Variants in TCF20 observed in about 807,000 individuals in gnomAD.
The protein encoded by TCF20 is SPRE-binding protein.
In TCF20, 3 loss-of-function variants were observed where a neutral mutation model predicts 148.6. The observed-to-expected ratio is 0.02, with a 90% CI of 0.01 to 0.05. TCF20 has a LOEUF of 0.05. TCF20 is among the 10% of genes least tolerant of loss of function. The probability of loss-of-function intolerance (pLI) is 1.00; values close to 1 mark genes in which losing one functional copy is unlikely to be tolerated. For synonymous variants in TCF20, 1,049 were observed against 909.5 expected, an observed-to-expected ratio of 1.15 and a Z score of -2.76; for missense variants, 2,350 against 2,429.3, an observed-to-expected ratio of 0.97 and a Z score of 0.69.
chr22:42,216,738 CA>C (rs1921847692), intron 1 of TCF20, among the ~76,000 whole-genome samples: 2 of 152,168 alleles, frequency 1.3e-5, no homozygotes, highest in South Asian at 4.1e-4. Context: ...CAGCAAAAAA[CA>C]GAGAGGAAAA....
At chr22:42,339,186 G>C (rs575965721) in intron 1 of TCF20, among the ~76,000 whole-genome samples, 4 of 152,270 alleles carry the variant, frequency 2.6e-5, no homozygotes, top group Non-Finnish European at 5.9e-5. Context: ...CTGGCCTAGC[G>C]CTCGTCCTCA....
Position 42,210,791 on chromosome 22 carries a change from A to G in TCF20, c.4515T>C (p.Pro1505=). 1 of 1,614,200 alleles carries G rather than the reference A, an allele frequency of 6.2e-7. No individual in the cohort carries two copies. Among genetic ancestry groups the G allele is most frequent in the South Asian group, 1.1e-5 (1 of 91,082 alleles). Residue 1505 remains proline (P), a synonymous_variant, in exon 2 of 6, where the codon CCT becomes CCC. Coordinates refer to ENST00000677622, the MANE Select transcript of TCF20 (RefSeq NM_001378418.1). The surrounding 1 kb of genome is among the most constrained non-coding windows in gnomAD (Gnocchi z 4.7). ...TCTCTTCAGCCTTGGGGTTTGCCTC[A>G]GGGGCCAATATGCCCACTGGAGGTA... The part of the protein sequence containing the change: ...KNVPPVGILA[P]EANPKAEEKE...
intron 1 of TCF20, among the ~76,000 whole-genome samples, chr22:42,277,885 G>T (rs1222336040): frequency 3.9e-5 from 6 of 152,212 alleles, no homozygotes; most frequent in Non-Finnish European, 7.3e-5. Context: ...TCAAAGGCAA[G>T]GCTGACCTCT....
In TCF20 at chr22:42,168,731, G is replaced by C. The variant is rs1218196275; in HGVS notation, c.5805C>G (p.Pro1935=). Residue 1935 remains proline, a synonymous_variant, in exon 5 of 6, where the codon CCC becomes CCG. Coordinates refer to ENST00000677622, the MANE Select transcript of TCF20 (RefSeq NM_001378418.1). ...GCAAGGGGGGGAGAGGGCACGGAAG[G>C]GGAGGCTGACACGGGCAAAACCAAG... ...FSVRCPKHKP[P]LPCPLPPLQN... is the part of the protein sequence containing the mutation. The C allele has an allele frequency of 5.0e-6, 8 of 1,609,198 alleles. No homozygotes were observed.
intron 1 of TCF20, among the ~76,000 whole-genome samples, chr22:42,255,554 T>G (rs1184222238): frequency 6.6e-6 from 1 of 152,162 alleles, no homozygotes; most frequent in Non-Finnish European, 1.5e-5. Flanking sequence ...TTGTTATAAA[T>G]GTTTGGGTAA....
At chr22:42,277,193 T>C (rs1030833923) in intron 1 of TCF20, 2 of 152,240 alleles carry the variant, frequency 1.3e-5, no homozygotes, top group Admixed American at 6.5e-5. Flanking sequence ...TGAAATTATA[T>C]CCTCTTTCAA....
chr22:42,327,208 C>T (rs1569210564), intron 1 of TCF20, among the ~76,000 whole-genome samples: 1 of 152,180 alleles, frequency 6.6e-6, no homozygotes, highest in Non-Finnish European at 1.5e-5. Flanking sequence ...TATAGAGGGG[C>T]CACGGCAATG....
intron 1 of TCF20, among the ~76,000 whole-genome samples, chr22:42,324,437 T>C (rs1927832407): frequency 6.6e-6 from 1 of 151,786 alleles, no homozygotes; most frequent in South Asian, 2.1e-4. Flanking sequence ...GAAAATAATC[T>C]CCACCATCTG....
chr22:42,162,320 C>T (rs1046545168), intron 5 of TCF20, among the ~76,000 whole-genome samples: 17 of 152,034 alleles, frequency 1.1e-4, no homozygotes, highest in African/African-American at 2.9e-4. Flanking sequence ...CTTCCCATGG[C>T]CTCTAACAGG....
chr22:42,194,969 A>T (rs1937518289), intron 2 of TCF20, among the ~76,000 whole-genome samples: 1 of 151,538 alleles, frequency 6.6e-6, no homozygotes, highest in African/African-American at 2.4e-5. Flanking sequence ...CACTGAACAT[A>T]AGGTGGGGCT....
At chr22:42,318,157 G>A (rs564652715) in intron 1 of TCF20, among the ~76,000 whole-genome samples, 28 of 152,248 alleles carry the variant, frequency 1.8e-4, no homozygotes, top group South Asian at 8.3e-4. Flanking sequence ...CTAATTAGCC[G>A]CACATCTCTT....
chr22:42,173,258 A>C (rs1046157647), intron 3 of TCF20, among the ~76,000 whole-genome samples: 1 of 151,682 alleles, frequency 6.6e-6, no homozygotes, highest in Non-Finnish European at 1.5e-5. Context: ...AAAAAAAAAA[A>C]CAGAGCTCAT....
intron 1 of TCF20, among the ~76,000 whole-genome samples, chr22:42,303,526 A>G (rs922189482): frequency 1.3e-5 from 2 of 152,270 alleles, no homozygotes; most frequent in African/African-American, 4.8e-5. Flanking sequence ...AGCCGAGGGC[A>G]TGAGTATGCA....
chr22:42,295,069 G>A (rs1927206317), intron 1 of TCF20, among the ~76,000 whole-genome samples: 1 of 152,200 alleles, frequency 6.6e-6, no homozygotes, highest in South Asian at 2.1e-4. Context: ...AAGACCCAGT[G>A]ATGAACCCCC....
chr22:42,202,515 C>CA (rs1262503039), intron 2 of TCF20, among the ~76,000 whole-genome samples: 1 of 152,230 alleles, frequency 6.6e-6, no homozygotes, highest in Non-Finnish European at 1.5e-5. Context: ...CTGGGGCTCT[C>CA]ACCCAGGCCT....
chr22:42,244,832 C>T (rs1194326218), intron 1 of TCF20, among the ~76,000 whole-genome samples: 1 of 152,138 alleles, frequency 6.6e-6, no homozygotes, highest in African/African-American at 2.4e-5. Flanking sequence ...GTAATCCCAA[C>T]ACTTTGGGAG....
At chr22:42,335,204 G>A (rs1928045145) in intron 1 of TCF20, among the ~76,000 whole-genome samples, 1 of 152,074 alleles carries the variant, frequency 6.6e-6, no homozygotes, top group Admixed American at 6.5e-5. Flanking sequence ...AGAAAGCAAG[G>A]AGTCCCACTT....
intron 1 of TCF20, among the ~76,000 whole-genome samples, chr22:42,265,695 A>T (rs539217496): frequency 6.6e-6 from 1 of 152,342 alleles, no homozygotes; most frequent in African/African-American, 2.4e-5. Context: ...ATGAGTAAGA[A>T]GGCTTAAGGC....
At chr22:42,229,018 C>A (rs149359720) in intron 1 of TCF20, among the ~76,000 whole-genome samples, 170 of 152,226 alleles carry the variant, frequency 1.1e-3, no homozygotes, top group African/African-American at 4.0e-3. Context: ...TATGGCTGAA[C>A]AAAAAGATTT....
Sources: allele counts gnomAD v4.1 joint callset (sites outside exome capture counted in the v4.1 genomes callset), GRCh38; gene constraint gnomAD v4.1.1; non-coding constraint Gnocchi (gnomAD v3.1); transcripts MANE v1.5; gene names NCBI Gene and HGNC (gene_info 2026-07-23, HGNC 2026-07-21).